PDE7B: variants seen among roughly 807,000 people sequenced by gnomAD.
PDE7B encodes 3',5'-cyclic-AMP phosphodiesterase 7B.
A neutral mutation model predicts 56.2 loss-of-function variants in PDE7B; 29 were observed. The ratio of observed to expected loss-of-function variants is 0.52; its 90% CI spans 0.38 to 0.70. The LOEUF (loss-of-function observed/expected upper bound fraction) is 0.70. PDE7B is among the 30% of genes least tolerant of loss of function. The pLI, the probability that PDE7B is intolerant of heterozygous loss-of-function variation, is 0.00. For missense variants in PDE7B, 490 were observed against 565.0 expected (o/e 0.87, Z 1.35); for synonymous variants, 197 against 196.9 (o/e 1.00, Z 0.00).
chr6:135,867,707 A>C (rs1217949393), intron 1 of PDE7B, among the ~76,000 whole-genome samples: 1 of 152,232 alleles, frequency 6.6e-6, no homozygotes, highest in African/African-American at 2.4e-5. Flanking sequence ...AGCTAAGGAA[A>C]AGTGACTTAA....
At chr6:135,906,421 T>G (rs1245483005) in intron 1 of PDE7B, among the ~76,000 whole-genome samples, 1 of 152,184 alleles carries the variant, frequency 6.6e-6, no homozygotes, top group Non-Finnish European at 1.5e-5. Context: ...TGTTTGATAT[T>G]TAGCTATTAT....
chr6:136,028,658 G>A (rs1240059241), intron 2 of PDE7B, among the ~76,000 whole-genome samples: 1 of 152,162 alleles, frequency 6.6e-6, no homozygotes, highest in Non-Finnish European at 1.5e-5. Context: ...CCAATGACCA[G>A]CTAGCTGAAT....
At chr6:136,010,475 G>A (rs370442848) in intron 2 of PDE7B, among the ~76,000 whole-genome samples, 3 of 147,852 alleles carry the variant, frequency 2.0e-5, no homozygotes, top group African/African-American at 5.0e-5. Flanking sequence ...GTGCAGTCTC[G>A]GCTCACTGCA....
chr6:136,121,187 T>A (rs572400355), intron 3 of PDE7B, among the ~76,000 whole-genome samples: 2 of 152,280 alleles, frequency 1.3e-5, no homozygotes, highest in Non-Finnish European at 2.9e-5. Flanking sequence ...CTAGTTCACT[T>A]CTAGGCAGGG....
At chr6:136,033,464 T>C (rs1776274829) in intron 2 of PDE7B, among the ~76,000 whole-genome samples, 1 of 152,190 alleles carries the variant, frequency 6.6e-6, no homozygotes, top group Non-Finnish European at 1.5e-5. Context: ...CCCCAGTACC[T>C]GAAAAAGGAC....
intron 2 of PDE7B, among the ~76,000 whole-genome samples, chr6:136,011,301 C>T (rs915397910): frequency 1.3e-5 from 2 of 152,128 alleles, no homozygotes; most frequent in African/African-American, 4.8e-5. Flanking sequence ...CTCAAAGGTT[C>T]CCAAGATTTA....
At chr6:136,043,575 C>CAAAAAAA (rs34337621) in intron 2 of PDE7B, among the ~76,000 whole-genome samples, 2 of 106,908 alleles carry the variant, frequency 1.9e-5, no homozygotes, top group Admixed American at 9.7e-5. Flanking sequence ...GACATAATAG[C>CAAAAAAA]AAAAAAAAAA....
At chr6:136,048,259 C>T (rs1776555480) in intron 2 of PDE7B, among the ~76,000 whole-genome samples, 1 of 152,110 alleles carries the variant, frequency 6.6e-6, no homozygotes, top group South Asian at 2.1e-4. Flanking sequence ...CGCGGTGGCT[C>T]ACGGCTATAA....
chr6:136,098,156 G>GTATA (rs367983228), intron 2 of PDE7B: 7 of 115,808 alleles, frequency 6.0e-5, no homozygotes, highest in African/African-American at 2.1e-4. Context: ...GGAAATATAT[G>GTATA]TATATATATA....
Position 136,097,628 on chromosome 6 carries a change from T to C in PDE7B, c.83-11103T>C, listed in dbSNP as rs114716639. On this transcript the variant is annotated intron_variant, in intron 2 of 12. Transcript: ENST00000308191. ...CAAATCTGAACACATTATCCTTCTA[T>C]TAAAATCATTTCATGACTTTCTAAT... Among the ~76,000 whole-genome samples the C allele has an allele frequency of 5.6e-3, 855 of 152,338 alleles. 10 individuals are homozygous for C. Among genetic ancestry groups the C allele is most frequent in the African/African-American group, 0.02 (817 of 41,566 alleles).
chr6:136,116,675 G>A lies in PDE7B; in HGVS notation c.166+7861G>A, dbSNP rs1777836269. On this transcript the variant is annotated intron_variant, in intron 3 of 12. Coordinates refer to ENST00000308191, the MANE Select transcript of PDE7B (RefSeq NM_018945.4). ...ATGGTAAGCTCCACTGGGACAGGTT[G>A]AGTTTGCAGGAGAATCGAGTGGAAA... Among the ~76,000 whole-genome samples, 3 of 152,204 alleles carry A rather than the reference G, an allele frequency of 2.0e-5. No homozygotes were observed. The South Asian group carries it at 6.2e-4, about 32-fold the overall frequency.
In PDE7B at chr6:135,939,506, G is replaced by A. The variant is rs529651717; in HGVS notation, c.22-7958G>A. ...AGCTTAAAAAGGAAAACATGAGCTC[G>A]AGCTGAAATCAGCCCCAGTTCCAAA... On this transcript the variant is annotated intron_variant, in intron 1 of 12. Transcript: ENST00000308191. 1.6e-3 allele frequency among the ~76,000 whole-genome samples: 241 copies of A among 152,262 alleles called. 2 individuals are homozygous for A. The highest frequency in any genetic ancestry group is 2.8e-3 in the Non-Finnish European group (190 of 68,018).
intron 8 of PDE7B, among the ~76,000 whole-genome samples, chr6:136,170,255 CCTTG>C (rs1481469672): frequency 6.6e-6 from 1 of 152,050 alleles, no homozygotes; most frequent in Non-Finnish European, 1.5e-5. Flanking sequence ...AAATTATTTT[CCTTG>C]CTTCTTTTCC....
chr6:135,869,415 A>G (rs948748590), intron 1 of PDE7B, among the ~76,000 whole-genome samples: 3 of 152,194 alleles, frequency 2.0e-5, no homozygotes, highest in Non-Finnish European at 4.4e-5. Context: ...CATCTTGAAG[A>G]ACAAACTCAG....
chr6:136,103,874 G>T (rs2128217449), intron 2 of PDE7B, among the ~76,000 whole-genome samples: 1 of 152,314 alleles, frequency 6.6e-6, no homozygotes, highest in African/African-American at 2.4e-5. Context: ...CCAGAGTCTG[G>T]TTCTTGTCAC....
intron 2 of PDE7B, among the ~76,000 whole-genome samples, chr6:136,065,584 C>T (rs561075570): frequency 3.3e-5 from 5 of 152,042 alleles, no homozygotes; most frequent in Non-Finnish European, 7.4e-5. Context: ...ATCGGCTCAC[C>T]CCTTCCATAT....
intron 4 of PDE7B, among the ~76,000 whole-genome samples, chr6:136,148,470 A>AGGCAGGCAGGCGGGCAGGCAGGC (rs374978896): frequency 7.7e-6 from 1 of 130,138 alleles, no homozygotes. Flanking sequence ...GGAAGGAAGG[A>AGGCAGGCAGGCGGGCAGGCAGGC]AGGCAGGCAG....
At chr6:136,027,298 T>C (rs1776169069) in intron 2 of PDE7B, among the ~76,000 whole-genome samples, 2 of 152,242 alleles carry the variant, frequency 1.3e-5, no homozygotes, top group African/African-American at 2.4e-5. Flanking sequence ...CATTATGTGA[T>C]TCCTCTTTCT....
chr6:136,142,342 T>C (rs572065852), intron 3 of PDE7B, among the ~76,000 whole-genome samples: 4 of 152,336 alleles, frequency 2.6e-5, no homozygotes, highest in Non-Finnish European at 5.9e-5. Context: ...ATTTCTGTTC[T>C]TTTACATTTG....
Sources: gnomAD v4.1 joint callset for allele counts (sites outside exome capture counted in the v4.1 genomes callset) on GRCh38, gnomAD v4.1.1 for gene constraint, MANE v1.5 for transcripts, NCBI Gene and HGNC (gene_info 2026-07-23, HGNC 2026-07-21) for gene names.